PLXNA4: variants seen among roughly 807,000 people sequenced by gnomAD.
PLXNA4 encodes the protein plexin-A4.
In PLXNA4, 44 loss-of-function variants were observed where a neutral mutation model predicts 191.8. That is an observed-to-expected ratio of 0.23 (90% CI 0.18 to 0.29). The LOEUF (loss-of-function observed/expected upper bound fraction) is 0.29. Among genes scored for constraint, PLXNA4 ranks in the 10% least tolerant of loss-of-function variants. PLXNA4 has a pLI of 1.00. For missense variants in PLXNA4, 1,800 were observed against 2,488.8 expected (o/e 0.72, Z 5.89); for synonymous variants, 1,082 against 1,009.5 (o/e 1.07, Z -1.36).
In PLXNA4 at chr7:132,146,575, T is replaced by G; in HGVS notation, c.4990A>C (p.Lys1664Gln). 6.2e-7 allele frequency: 1 copy of G among 1,614,146 alleles called. No individual in the cohort carries two copies. Among genetic ancestry groups the G allele is most frequent in the African/African-American group, 1.3e-5 (1 of 75,034 alleles). Residue 1664 changes from lysine to glutamine, a missense_variant, in exon 28 of 32, where the codon AAG (lysine) becomes CAG (glutamine). By Grantham distance (53) the Lys-to-Gln change is moderately conservative. Coordinates refer to ENST00000321063, the MANE Select transcript of PLXNA4 (RefSeq NM_020911.2). ...ATCTTGCTCCCCCGGTCCCCCTCCTTCTGGTCTCCGTGCTCGTGGTTCTTC... is the reference window on the plus strand; with the variant it reads ...ATCTTGCTCCCCCGGTCCCCCTCCTGCTGGTCTCCGTGCTCGTGGTTCTTC... ...LVKNHEHGDQKEGDRGSKMVS... is the reference protein window; with the variant it reads ...LVKNHEHGDQQEGDRGSKMVS...
At chr7:132,577,928 C>T (rs905582871), upstream of PLXNA4, among the ~76,000 whole-genome samples, 1 of 152,176 alleles carries the variant, frequency 6.6e-6, no homozygotes, top group Non-Finnish European at 1.5e-5. Flanking sequence ...CACGAGAGAA[C>T]ATGAGTGGCC....
chr7:132,214,869 G>T (rs1797916749), intron 9 of PLXNA4, among the ~76,000 whole-genome samples: 2 of 152,156 alleles, frequency 1.3e-5, no homozygotes, highest in Non-Finnish European at 2.9e-5. Context: ...ACCATGACTA[G>T]GGACTGAAAA....
At chr7:132,611,138 G>A (rs1340472725) in intron 2 of PLXNA4, among the ~76,000 whole-genome samples, 14 of 152,202 alleles carry the variant, frequency 9.2e-5, no homozygotes. Context: ...GGGAGAGTTG[G>A]CTGTTTCATT....
chr7:132,287,313 A>G (rs1053247743), intron 4 of PLXNA4, among the ~76,000 whole-genome samples: 16 of 152,234 alleles, frequency 1.1e-4, no homozygotes, highest in Admixed American at 2.0e-4. Context: ...TAGGATTAAC[A>G]ATACATTTTC....
rs2288988 is a variant in PLXNA4 at position 132,447,097 on chromosome 7, T to C, written c.1371+42195A>G. ...CCTGACATCTGAAATTCAGCATTGA[T>C]TTTTCTGGCCCCGCTCCACTGCCTA... On this transcript the variant is annotated intron_variant, in intron 3 of 31. Transcript: ENST00000321063. Among the ~76,000 whole-genome samples, 213 of 152,230 alleles carry C rather than the reference T, an allele frequency of 1.4e-3. 1 individual carries two copies. Among genetic ancestry groups the C allele is most frequent in the Admixed American group, 9.3e-3 (142 of 15,276 alleles).
rs957044675 is a variant in PLXNA4, at chr7:132,508,893, TG to T, written c.-86-115del. On this transcript the variant is annotated intron_variant, in intron 1 of 31. Transcript: ENST00000321063. The surrounding 1 kb of genome is among the most constrained non-coding windows in gnomAD (Gnocchi z 4.4). ...CTGCACACACTGAGCAGAACTGCAC[TG>T]GGGGGTGCTGGAGGCTGACTGAGTC... is the stretch of plus-strand genomic sequence containing the variant. 6.9e-5 allele frequency: 74 copies of T among 1,075,018 alleles called. No homozygotes were observed. Among genetic ancestry groups the T allele is most frequent in the Admixed American group, 4.7e-4 (14 of 29,938 alleles). 66.6% of individuals were successfully genotyped at this position (1,075,018 alleles called of 1,614,324 possible).
At chr7:132,351,000 T>C (rs1274812480) in intron 3 of PLXNA4, among the ~76,000 whole-genome samples, 3 of 152,216 alleles carry the variant, frequency 2.0e-5, no homozygotes, top group African/African-American at 7.2e-5. Flanking sequence ...GGCTAAACCT[T>C]GAAAGCATTA....
chr7:132,317,017 G>T (rs1167290485), intron 3 of PLXNA4, among the ~76,000 whole-genome samples: 1 of 152,088 alleles, frequency 6.6e-6, no homozygotes, highest in African/African-American at 2.4e-5. Flanking sequence ...TTGTTAAATT[G>T]GGTTGTGTGT....
At chr7:132,161,529 C>CA (rs763106423) in intron 24 of PLXNA4, among the ~76,000 whole-genome samples, 13 of 152,194 alleles carry the variant, frequency 8.5e-5, no homozygotes, top group Non-Finnish European at 1.6e-4. Flanking sequence ...TGTTGAGATA[C>CA]AAAATCTGAT....
chr7:132,204,000 G>A (rs776258712), intron 10 of PLXNA4, among the ~76,000 whole-genome samples: 4 of 152,136 alleles, frequency 2.6e-5, no homozygotes, highest in Non-Finnish European at 5.9e-5. Context: ...AGAGGCTGGG[G>A]GTTAAGAGAG....
At chr7:132,338,407 G>GA (rs928902217) in intron 3 of PLXNA4, among the ~76,000 whole-genome samples, 2 of 152,176 alleles carry the variant, frequency 1.3e-5, no homozygotes, top group African/African-American at 4.8e-5. Context: ...TTGCTTTTAT[G>GA]AAAAACAGCA....
intron 3 of PLXNA4, among the ~76,000 whole-genome samples, chr7:132,416,508 T>C (rs1794665643): frequency 6.6e-6 from 1 of 152,216 alleles, no homozygotes; most frequent in Non-Finnish European, 1.5e-5. Flanking sequence ...TCTGGGTTTT[T>C]CCCATCATCC....
chr7:132,559,559 G>A lies in PLXNA4; in HGVS notation c.-87+16863C>T, dbSNP rs191731037. 5.9e-3 allele frequency among the ~76,000 whole-genome samples: 899 copies of A among 152,306 alleles called. 7 individuals are homozygous for A. Among genetic ancestry groups the A allele is most frequent in the Middle Eastern group, 0.037 (11 of 294 alleles). ...GTCTGGGGCCTCTCCCCATCCCCAA[G>A]TCTCACTACCTTCCGCAGCAGCACA... On this transcript the variant is annotated intron_variant, in intron 1 of 31. Coordinates refer to ENST00000321063, the MANE Select transcript of PLXNA4 (RefSeq NM_020911.2).
intron 1 of PLXNA4, among the ~76,000 whole-genome samples, chr7:132,565,183 T>C (rs1801664036): frequency 6.6e-6 from 1 of 152,192 alleles, no homozygotes; most frequent in Non-Finnish European, 1.5e-5. Flanking sequence ...GCCACATTCA[T>C]CCTCACCTCC....
intron 14 of PLXNA4, among the ~76,000 whole-genome samples, chr7:132,189,013 AGAGAG>A (rs1796994924): frequency 1.5e-5 from 1 of 68,296 alleles, no homozygotes; most frequent in African/African-American, 4.8e-5. Context: ...AGAGAGAGAG[AGAGAG>A]AGAGAGAGAG....
intron 3 of PLXNA4, among the ~76,000 whole-genome samples, chr7:132,378,110 C>T (rs1235793222): frequency 6.6e-6 from 1 of 152,138 alleles, no homozygotes; most frequent in Non-Finnish European, 1.5e-5. Context: ...TATGCTATTC[C>T]CCAATTATCT....
At chr7:132,259,286 T>C (rs1451562603) in intron 4 of PLXNA4, among the ~76,000 whole-genome samples, 1 of 151,292 alleles carries the variant, frequency 6.6e-6, no homozygotes, top group Admixed American at 6.6e-5. Context: ...AACCAGCCCA[T>C]CTAGCTGGGT....
chr7:132,435,005 T>C (rs277485), intron 3 of PLXNA4, among the ~76,000 whole-genome samples: 39,932 of 152,064 alleles, frequency 0.26, 10,429 homozygotes, highest in African/African-American at 0.66. Flanking sequence ...TCCCAGTCTG[T>C]TCCATCTCTC....
chr7:132,463,862 C>T (rs991181720), intron 3 of PLXNA4, among the ~76,000 whole-genome samples: 1 of 152,204 alleles, frequency 6.6e-6, no homozygotes, highest in East Asian at 1.9e-4. Context: ...CTAAATTCAT[C>T]GCTATTCCAC....
Sources: allele counts gnomAD v4.1 joint callset (sites outside exome capture counted in the v4.1 genomes callset), GRCh38; gene constraint gnomAD v4.1.1; non-coding constraint Gnocchi (gnomAD v3.1); transcripts MANE v1.5; gene names NCBI Gene and HGNC (gene_info 2026-07-23, HGNC 2026-07-21).